TMEM38B: variants seen among roughly 807,000 people sequenced by gnomAD.
TMEM38B encodes trimeric intracellular cation channel type B.
TMEM38B carries 24 observed loss-of-function variants against 28.7 expected under a neutral mutation model. The ratio of observed to expected loss-of-function variants is 0.84; its 90% CI spans 0.61 to 1.18. The LOEUF (loss-of-function observed/expected upper bound fraction) is 1.18, where lower values mean the gene tolerates loss of function less well. TMEM38B is among the 50% of genes most tolerant of loss of function. The pLI, the probability that TMEM38B is intolerant of heterozygous loss-of-function variation, is 0.00. For synonymous variants in TMEM38B, 131 were observed against 127.7 expected (o/e 1.03, Z -0.17); for missense variants, 380 against 350.9 (o/e 1.08, Z -0.66).
At chr9:105,770,965 A>G (rs1480729684) in intron 5 of TMEM38B, among the ~76,000 whole-genome samples, 2 of 152,210 alleles carry the variant, frequency 1.3e-5, no homozygotes, top group Non-Finnish European at 2.9e-5. Flanking sequence ...CAAAGTAGGT[A>G]TAAGTGCCAT....
chr9:105,763,824 A>C, intron 5 of TMEM38B, among the ~76,000 whole-genome samples: 1 of 151,620 alleles, frequency 6.6e-6, no homozygotes, highest in East Asian at 1.9e-4. Flanking sequence ...TTGATGCAAA[A>C]ATCCTCAGTA....
At chr9:105,752,209 C>T (rs1175529257) in intron 5 of TMEM38B, among the ~76,000 whole-genome samples, 2 of 152,176 alleles carry the variant, frequency 1.3e-5, no homozygotes, top group African/African-American at 4.8e-5. Flanking sequence ...GAGGGGCAGT[C>T]ACCATCTCTG....
chr9:105,763,984 A>C (rs1219001585), intron 5 of TMEM38B, among the ~76,000 whole-genome samples: 2 of 151,142 alleles, frequency 1.3e-5, no homozygotes, highest in Non-Finnish European at 2.9e-5. Flanking sequence ...CAAAAACCAC[A>C]TGATTATCTC....
chr9:105,716,866 A>G (rs1836118654), intron 2 of TMEM38B, among the ~76,000 whole-genome samples: 1 of 152,218 alleles, frequency 6.6e-6, no homozygotes, highest in South Asian at 2.1e-4. Context: ...GGTGACAGTG[A>G]AAAAATTATG....
At chr9:105,748,286 TTTA>T (rs1279474243) in intron 5 of TMEM38B, 96 bp downstream of exon 5, 14 of 823,852 alleles carry the variant, frequency 1.7e-5, no homozygotes, top group African/African-American at 5.2e-5. Flanking sequence ...GGAACATTTA[TTTA>T]TTATTATTAT....
At chr9:105,698,694 T>C (rs1198513882) in intron 1 of TMEM38B, among the ~76,000 whole-genome samples, 1 of 152,166 alleles carries the variant, frequency 6.6e-6, no homozygotes, top group Non-Finnish European at 1.5e-5. Context: ...GGTTATTTTA[T>C]TGTGTGACCC....
intron 4 of TMEM38B, among the ~76,000 whole-genome samples, chr9:105,743,795 C>A (rs1328993358): frequency 6.6e-6 from 1 of 152,130 alleles, no homozygotes; most frequent in East Asian, 1.9e-4. Flanking sequence ...TCTTTTCCTG[C>A]ATTCCACCCT....
At chr9:105,726,079 A>G (rs760271616) in intron 4 of TMEM38B, among the ~76,000 whole-genome samples, 3 of 152,128 alleles carry the variant, frequency 2.0e-5, no homozygotes, top group Admixed American at 1.3e-4. Context: ...GTGTAGCGAC[A>G]TCAAGGTAAT....
chr9:105,747,207 G>C (rs1837438980), intron 4 of TMEM38B, among the ~76,000 whole-genome samples: 1 of 152,164 alleles, frequency 6.6e-6, no homozygotes, highest in African/African-American at 2.4e-5. Flanking sequence ...GTCTGGTCCT[G>C]GACTTTTTTT....
At chr9:105,697,247 G>C (rs1835320323) in intron 1 of TMEM38B, among the ~76,000 whole-genome samples, 1 of 152,098 alleles carries the variant, frequency 6.6e-6, no homozygotes, top group African/African-American at 2.4e-5. Context: ...GCATTAATCT[G>C]TTTACTAATT....
intron 1 of TMEM38B, among the ~76,000 whole-genome samples, chr9:105,697,893 T>C (rs1470910341): frequency 6.6e-6 from 1 of 152,194 alleles, no homozygotes; most frequent in African/African-American, 2.4e-5. Flanking sequence ...TCTATAGTTC[T>C]ATAAAAGTAT....
intron 4 of TMEM38B, among the ~76,000 whole-genome samples, chr9:105,731,295 TTTATTA>T (rs141356793): frequency 0.13 from 20,058 of 149,534 alleles, 1,938 homozygotes; most frequent in East Asian, 0.46. Flanking sequence ...AAAGAACATC[TTTATTA>T]TTATTATTAT....
rs1307287551 is a variant in TMEM38B at position 105,759,999 on chromosome 9, T to C, written c.660+11809T>C. 1.4e-5 allele frequency: 20 copies of C among 1,481,270 alleles called. No individual in the cohort carries two copies. The Admixed American group carries it at 1.8e-4, about 14-fold the overall frequency. 91.8% of individuals were successfully genotyped at this position (1,481,270 alleles called of 1,614,324 possible). On this transcript the variant is annotated intron_variant, in intron 5 of 5. Transcript: ENST00000374692. ...TCGGAGAGTCTAGTGCTGCAATCAA[T>C]AAAAGACTCTGCAAAAGTTCAATAG...
chr9:105,741,376 A>T (rs767698528), intron 4 of TMEM38B, among the ~76,000 whole-genome samples: 1 of 152,212 alleles, frequency 6.6e-6, no homozygotes, highest in Non-Finnish European at 1.5e-5. Flanking sequence ...CAGTGGAATT[A>T]TGGATGTTAA....
intron 5 of TMEM38B, among the ~76,000 whole-genome samples, chr9:105,756,103 C>A (rs534990647): frequency 5.3e-5 from 8 of 152,062 alleles, no homozygotes; most frequent in Non-Finnish European, 1.2e-4. Flanking sequence ...GAGCCGAGAT[C>A]GCGCCATTGC....
chr9:105,750,099 C>T (rs1215737461), intron 5 of TMEM38B, among the ~76,000 whole-genome samples: 1 of 152,138 alleles, frequency 6.6e-6, no homozygotes, highest in Non-Finnish European at 1.5e-5. Flanking sequence ...TGATGTACAT[C>T]TGAGTATCTT....
intron 2 of TMEM38B, among the ~76,000 whole-genome samples, chr9:105,714,451 A>G (rs1162046574): frequency 6.6e-6 from 1 of 152,094 alleles, no homozygotes; most frequent in African/African-American, 2.4e-5. Context: ...ATACAAATAG[A>G]TACTTCCTGT....
At chr9:105,760,137 G>C (rs1332897804) in intron 5 of TMEM38B, 10 of 881,520 alleles carry the variant, frequency 1.1e-5, no homozygotes, top group Non-Finnish European at 1.9e-5. Flanking sequence ...TGTGTCGTTT[G>C]TTACTTCCGC....
chr9:105,717,745 CT>C (rs1836162587), intron 2 of TMEM38B, among the ~76,000 whole-genome samples: 1 of 152,138 alleles, frequency 6.6e-6, no homozygotes, highest in Non-Finnish European at 1.5e-5. Context: ...TAACTTCCCC[CT>C]GCTGTATAGT....
Sources: allele counts gnomAD v4.1 joint callset (sites outside exome capture counted in the v4.1 genomes callset), GRCh38; gene constraint gnomAD v4.1.1; transcripts MANE v1.5; gene names NCBI Gene and HGNC (gene_info 2026-07-23, HGNC 2026-07-21).